The following IRAG1 variants were observed in gnomAD, a reference collection of about 807,000 sequenced individuals.
The protein encoded by IRAG1 is inositol 1,4,5-triphosphate receptor associated 1, also known as IP3R-associated cGMP kinase substrate.
Under a neutral mutation model 106.2 loss-of-function variants are expected in IRAG1, and 62 were observed. That is an observed-to-expected ratio of 0.58 (90% confidence interval 0.48 to 0.72). The LOEUF (loss-of-function observed/expected upper bound fraction) is 0.72. IRAG1 is among the 30% of genes least tolerant of loss of function. The probability of loss-of-function intolerance (pLI) is 0.00; values close to 1 mark genes in which losing one functional copy is unlikely to be tolerated. For missense variants in IRAG1, 1,064 were observed against 1,140.7 expected, an observed-to-expected ratio of 0.93 and a Z score of 0.97; for synonymous variants, 462 against 443.9, an observed-to-expected ratio of 1.04 and a Z score of -0.51.
chr11:10,624,345 C>T (rs1000999369), intron 9 of IRAG1, among the ~76,000 whole-genome samples: 1 of 152,180 alleles, frequency 6.6e-6, no homozygotes, highest in African/African-American at 2.4e-5. Context: ...TTGCCCCACA[C>T]ACTCAGGTCA....
chr11:10,659,207 C>T lies in IRAG1; in HGVS notation c.68-7025G>A, dbSNP rs1040481289. On this transcript the variant is annotated intron_variant, in intron 1 of 20. Coordinates refer to ENST00000423302, the MANE Select transcript of IRAG1 (RefSeq NM_130385.4). This position sits in a 1 kb window ranked among gnomAD's most constrained non-coding sequence, Gnocchi z 4.1. ...GTGTGGAATCCCTCCTGGAAGAGAGCCAGCCACAGTGTCTGGCCAAGTAGG... is the reference window on the plus strand; with the variant it reads ...GTGTGGAATCCCTCCTGGAAGAGAGTCAGCCACAGTGTCTGGCCAAGTAGG... Among the ~76,000 whole-genome samples, 1 of 152,198 alleles carries T rather than the reference C, an allele frequency of 6.6e-6. No individual in the cohort carries two copies. The highest frequency in any genetic ancestry group is 2.4e-5 in the African/African-American group (1 of 41,450).
At position 10,659,738 on chromosome 11, in the gene IRAG1, A is replaced by T. The variant is rs905147855; in HGVS notation, c.68-7556T>A. ...TTTAAAAATAGGTCCACTTGAAAAA[A>T]TTTTTTCTTCTTCAAAATATGTACA... On this transcript the variant is annotated intron_variant, in intron 1 of 20. Coordinates refer to ENST00000423302, the MANE Select transcript of IRAG1 (RefSeq NM_130385.4). This position sits in a 1 kb window ranked among gnomAD's most constrained non-coding sequence, Gnocchi z 4.1. 1.1e-4 allele frequency among the ~76,000 whole-genome samples: 17 copies of T among 151,388 alleles called. No individual in the cohort carries two copies. Among genetic ancestry groups the T allele is most frequent in the Admixed American group, 7.2e-4 (11 of 15,184 alleles).
intron 1 of IRAG1, among the ~76,000 whole-genome samples, chr11:10,673,748 C>G (rs1860434580): frequency 6.6e-6 from 1 of 151,736 alleles, no homozygotes; most frequent in Non-Finnish European, 1.5e-5. Flanking sequence ...GCCTTGTGAC[C>G]TCTCTGGGCA....
At chr11:10,693,083 C>G (rs1862186252) in intron 1 of IRAG1, among the ~76,000 whole-genome samples, 1 of 152,052 alleles carries the variant, frequency 6.6e-6, no homozygotes, top group Non-Finnish European at 1.5e-5. Flanking sequence ...GCTTAAGGAT[C>G]TAGACAGGTC....
intron 1 of IRAG1, among the ~76,000 whole-genome samples, chr11:10,653,914 G>T (rs1052227213): frequency 1.1e-4 from 16 of 152,170 alleles, no homozygotes; most frequent in South Asian, 2.1e-4. Context: ...AACTTTTAGA[G>T]ATTCCCTGAA....
In IRAG1 at chr11:10,628,903, G is replaced by GT. The variant is rs1856479596; in HGVS notation, c.575-76dup. 7.2e-7 allele frequency: 1 copy of GT among 1,389,962 alleles called. No homozygotes were observed. Among genetic ancestry groups the GT allele is most frequent in the African/African-American group, 1.5e-5 (1 of 68,512 alleles). 86.1% of individuals were successfully genotyped at this position (1,389,962 alleles called of 1,614,324 possible). A position where few individuals can be genotyped will look rare whatever the true frequency, so the allele number is the denominator to read the frequency against. ...CAACCTGGCAAAGGCATCCTTTTAG[G>GT]TATTCCCAGGCCCTGGGAACTGGGT... On this transcript the variant is annotated intron_variant, in intron 5 of 20. Transcript: ENST00000423302. This position sits in a 1 kb window ranked among gnomAD's most constrained non-coding sequence, Gnocchi z 4.1.
intron 15 of IRAG1, among the ~76,000 whole-genome samples, chr11:10,597,669 T>C (rs1431328959): frequency 6.6e-6 from 1 of 152,202 alleles, no homozygotes; most frequent in Admixed American, 6.5e-5. Context: ...CTGTAACAAT[T>C]TTAAGCTTAT....
At chr11:10,641,212 C>A (rs2134760854) in intron 2 of IRAG1, among the ~76,000 whole-genome samples, 1 of 152,322 alleles carries the variant, frequency 6.6e-6, no homozygotes, top group South Asian at 2.1e-4. Context: ...AGATGGCAAG[C>A]CTGTGGAAGT....
At chr11:10,672,037 T>C (rs7938027) in intron 1 of IRAG1, among the ~76,000 whole-genome samples, 59,349 of 152,082 alleles carry the variant, frequency 0.39, 11,849 homozygotes, top group Middle Eastern at 0.44. Flanking sequence ...TGAGAGTTCA[T>C]ACATAAGCCC....
intron 2 of IRAG1, among the ~76,000 whole-genome samples, chr11:10,642,486 G>T (rs2052690): frequency 0.22 from 33,249 of 152,110 alleles, 4,394 homozygotes; most frequent in Middle Eastern, 0.34. Context: ...AGGCAGGCAT[G>T]GGGGGTTTAG....
At chr11:10,638,921 T>A (rs1273606998) in intron 2 of IRAG1, among the ~76,000 whole-genome samples, 1 of 152,232 alleles carries the variant, frequency 6.6e-6, no homozygotes, top group Non-Finnish European at 1.5e-5. Context: ...TATTTTATTT[T>A]ATTTTTATGT....
Position 10,628,532 on chromosome 11 carries a change from C to T in IRAG1, c.652+219G>A, listed in dbSNP as rs1193126597. Among the ~76,000 whole-genome samples the T allele has an allele frequency of 2.0e-5, 3 of 152,232 alleles. No individual in the cohort carries two copies. Among genetic ancestry groups the T allele is most frequent in the Non-Finnish European group, 4.4e-5 (3 of 68,040 alleles). ...CCTGACCCTGGGGTACACCTGCCTC[C>T]CGACACAAGCCCAAGATGCTAACAG... On this transcript the variant is annotated intron_variant, in intron 6 of 20. Coordinates refer to ENST00000423302, the MANE Select transcript of IRAG1 (RefSeq NM_130385.4). This position sits in a 1 kb window ranked among gnomAD's most constrained non-coding sequence, Gnocchi z 4.1.
chr11:10,603,619 G>C (rs1854224690), intron 13 of IRAG1, among the ~76,000 whole-genome samples: 1 of 152,096 alleles, frequency 6.6e-6, no homozygotes, highest in Non-Finnish European at 1.5e-5. Flanking sequence ...CCTGGCCCAG[G>C]GGATGCGGAC....
intron 10 of IRAG1, among the ~76,000 whole-genome samples, chr11:10,615,534 A>G (rs2134447634): frequency 6.6e-6 from 1 of 152,308 alleles, no homozygotes; most frequent in East Asian, 1.9e-4. Context: ...AACCAACCCA[A>G]ATGTCCATCA....
At chr11:10,675,360 G>A (rs1378251689) in intron 1 of IRAG1, among the ~76,000 whole-genome samples, 1 of 152,168 alleles carries the variant, frequency 6.6e-6, no homozygotes, top group Non-Finnish European at 1.5e-5. Flanking sequence ...TGTGTCACGT[G>A]CACTGCCTCC....
intron 15 of IRAG1, among the ~76,000 whole-genome samples, chr11:10,594,872 TA>T (rs1189712758): frequency 1.3e-5 from 2 of 152,162 alleles, no homozygotes; most frequent in African/African-American, 4.8e-5. Context: ...TTCATATCCA[TA>T]TATTTTTGGT....
chr11:10,594,364 G>A lies in IRAG1; in HGVS notation c.2018-169C>T. On this transcript the variant is annotated intron_variant, in intron 15 of 20. Transcript: ENST00000423302. Reference sequence around the variant, plus strand: ...GTTTGGCACTTCATCCTTTGAGATGGGGCTGCAGAGTGGGGGCTTTTTTTG... The same window carrying A: ...GTTTGGCACTTCATCCTTTGAGATGAGGCTGCAGAGTGGGGGCTTTTTTTG... 4 of 593,234 alleles carry A rather than the reference G, an allele frequency of 6.7e-6. No individual in the cohort carries two copies. The South Asian group carries it at 6.8e-5, about 10-fold the overall frequency. 36.7% of individuals were successfully genotyped at this position (593,234 alleles called of 1,614,324 possible). A position where few individuals can be genotyped will look rare whatever the true frequency, so the allele number is the denominator to read the frequency against.
chr11:10,671,315 C>A (rs1182866367), intron 1 of IRAG1, among the ~76,000 whole-genome samples: 1 of 152,158 alleles, frequency 6.6e-6, no homozygotes, highest in Non-Finnish European at 1.5e-5. Flanking sequence ...TGATATAGTA[C>A]AATCAATTAT....
intron 10 of IRAG1, chr11:10,611,470 G>T (rs1310816838): frequency 6.6e-6 from 1 of 152,172 alleles, no homozygotes; most frequent in Non-Finnish European, 1.5e-5. Context: ...ATGCATATCA[G>T]GGTTTTTGCC....
Sources: gnomAD v4.1 joint callset for allele counts (sites outside exome capture counted in the v4.1 genomes callset) on GRCh38, gnomAD v4.1.1 for gene constraint, Gnocchi (gnomAD v3.1) non-coding constraint, MANE v1.5 for transcripts, NCBI Gene and HGNC (gene_info 2026-07-23, HGNC 2026-07-21) for gene names.